The following CNTLN variants were observed in gnomAD, a reference collection of about 807,000 sequenced individuals.
CNTLN encodes centlein.
Under a neutral mutation model 180.0 loss-of-function variants are expected in CNTLN, and 212 were observed. The observed-to-expected ratio is 1.18, with a 90% CI of 1.05 to 1.32. The LOEUF (loss-of-function observed/expected upper bound fraction) is 1.32. CNTLN is among the 40% of genes most tolerant of loss of function. CNTLN has a pLI of 0.00. For synonymous variants in CNTLN, 722 were observed against 563.1 expected, an observed-to-expected ratio of 1.28 and a Z score of -3.99; for missense variants, 2,095 against 1,610.9, an observed-to-expected ratio of 1.30 and a Z score of -5.14.
At chr9:17,200,869 AT>A (rs1430188871) in intron 2 of CNTLN, among the ~76,000 whole-genome samples, 2 of 152,136 alleles carry the variant, frequency 1.3e-5, no homozygotes, top group East Asian at 3.8e-4. Context: ...CAATACTATG[AT>A]AAATTGGAGT....
intron 14 of CNTLN, among the ~76,000 whole-genome samples, chr9:17,391,669 T>A (rs1826126678): frequency 6.6e-6 from 1 of 152,208 alleles, no homozygotes; most frequent in African/African-American, 2.4e-5. Context: ...ATAACATAAT[T>A]TAATTGAAAT....
chr9:17,147,884 C>T (rs1037349338), intron 2 of CNTLN, among the ~76,000 whole-genome samples: 5 of 152,128 alleles, frequency 3.3e-5, no homozygotes, highest in African/African-American at 1.2e-4. Context: ...TTGGTTTCAA[C>T]CGGTTGTGCT....
chr9:17,292,930 A>G (rs909183156), intron 6 of CNTLN, among the ~76,000 whole-genome samples: 1 of 152,120 alleles, frequency 6.6e-6, no homozygotes, highest in African/African-American at 2.4e-5. Flanking sequence ...GAGTTTACCT[A>G]GCTTTGATCT....
chr9:17,218,617 C>A (rs1051459213), intron 2 of CNTLN, among the ~76,000 whole-genome samples: 5 of 152,060 alleles, frequency 3.3e-5, no homozygotes, highest in Admixed American at 2.6e-4. Flanking sequence ...GTTTAAATTG[C>A]AAACCATTGA....
At chr9:17,476,477 A>C (rs1346635638) in intron 23 of CNTLN, among the ~76,000 whole-genome samples, 1 of 152,222 alleles carries the variant, frequency 6.6e-6, no homozygotes, top group Non-Finnish European at 1.5e-5. Context: ...GGCTGAAACT[A>C]GGCCTTTTGC....
chr9:17,522,731 TA>T, the CNTLN span, among the ~76,000 whole-genome samples: 3 of 151,998 alleles, frequency 2.0e-5, no homozygotes, highest in East Asian at 1.9e-4. Context: ...GAGACTAAAC[TA>T]AAAAAAACCC....
At position 17,409,367 on chromosome 9, in the gene CNTLN, C is replaced by G. The variant is rs761699777; in HGVS notation, c.2690C>G (p.Thr897Arg). Residue 897 changes from threonine to arginine, a missense_variant, in exon 16 of 26, where the codon ACG (threonine) becomes AGG (arginine). Coordinates refer to ENST00000380647, the MANE Select transcript of CNTLN (RefSeq NM_017738.4). ...IVETSQKISP[T>R]EDGKDQKESD... ...GAAACATCCCAGAAAATAAGTCCTA[C>G]GGAAGATGGAAAAGACCAGAAAGAA... 20 of 1,613,120 alleles carry G rather than the reference C, an allele frequency of 1.2e-5. No individual in the cohort carries two copies. Among genetic ancestry groups the G allele is most frequent in the Non-Finnish European group, 1.7e-5 (20 of 1,179,516 alleles).
At position 17,478,093 on chromosome 9, in the gene CNTLN, G is replaced by A. The variant is rs1165898635; in HGVS notation, c.3856-6202G>A. ...GCAAAGTTTTTACAATGTGCTGAAG[G>A]CTCAGATGATCATTAGCATTTTTAA... On this transcript the variant is annotated intron_variant, in intron 23 of 25. Coordinates refer to ENST00000380647, the MANE Select transcript of CNTLN (RefSeq NM_017738.4). Among the ~76,000 whole-genome samples, 4 of 152,262 alleles carry A rather than the reference G, an allele frequency of 2.6e-5. No homozygotes were observed. The East Asian group carries it at 7.7e-4, about 29-fold the overall frequency.
chr9:17,299,349 A>G, intron 7 of CNTLN: 2 of 469,582 alleles, frequency 4.3e-6, no homozygotes, highest in South Asian at 1.8e-4. Flanking sequence ...TGTTATTCTC[A>G]TTTAATGATA....
chr9:17,226,658 A>G (rs1425867268), intron 3 of CNTLN, among the ~76,000 whole-genome samples: 1 of 151,996 alleles, frequency 6.6e-6, no homozygotes, highest in Non-Finnish European at 1.5e-5. Context: ...TATTATTTAC[A>G]CTTAAAACTT....
At chr9:17,255,729 A>AG (rs1280064831) in intron 5 of CNTLN, among the ~76,000 whole-genome samples, 1 of 151,730 alleles carries the variant, frequency 6.6e-6, no homozygotes, top group Non-Finnish European at 1.5e-5. Flanking sequence ...GAGTTTGAGG[A>AG]GGATTGGTGT....
At chr9:17,339,278 C>T (rs950775496) in intron 10 of CNTLN, among the ~76,000 whole-genome samples, 12 of 152,250 alleles carry the variant, frequency 7.9e-5, no homozygotes, top group African/African-American at 2.6e-4. Context: ...AATGCAGACT[C>T]TATAAAGTAT....
chr9:17,369,139 C>G (rs971589806), intron 13 of CNTLN, among the ~76,000 whole-genome samples: 1 of 152,110 alleles, frequency 6.6e-6, no homozygotes, highest in African/African-American at 2.4e-5. Context: ...TTCTCCCATG[C>G]TGCTCTCATG....
intron 6 of CNTLN, among the ~76,000 whole-genome samples, chr9:17,294,876 T>TGGGGGGA (rs1242360164): frequency 1.2e-4 from 1 of 8,100 alleles, no homozygotes; most frequent in Non-Finnish European, 2.3e-4. Flanking sequence ...GCGGAGGGAG[T>TGGGGGGA]GGGGGGAGGG....
chr9:17,225,035 A>G (rs1346047810), intron 2 of CNTLN, among the ~76,000 whole-genome samples: 16 of 151,882 alleles, frequency 1.1e-4, no homozygotes, highest in Non-Finnish European at 2.1e-4. Flanking sequence ...TAAATTGTCA[A>G]TCTCACCCTA....
At chr9:17,348,529 T>C (rs62561399) in intron 12 of CNTLN, among the ~76,000 whole-genome samples, 1 of 149,490 alleles carries the variant, frequency 6.7e-6, no homozygotes, top group Non-Finnish European at 1.5e-5. Flanking sequence ...TCTTTCTTTC[T>C]TTCTTTTTTT....
intron 23 of CNTLN, among the ~76,000 whole-genome samples, chr9:17,469,553 C>G (rs936025516): frequency 2.6e-5 from 4 of 151,790 alleles, no homozygotes; most frequent in African/African-American, 9.7e-5. Flanking sequence ...AGCATATCAT[C>G]AATGACTCCT....
the CNTLN span, among the ~76,000 whole-genome samples, chr9:17,515,825 C>T: frequency 1.3e-5 from 2 of 152,168 alleles, no homozygotes; most frequent in Non-Finnish European, 2.9e-5. Context: ...ATATTCACCA[C>T]CCAGCTTTCA....
chr9:17,380,307 G>T (rs1825136042), intron 13 of CNTLN, among the ~76,000 whole-genome samples: 1 of 152,178 alleles, frequency 6.6e-6, no homozygotes. Context: ...ACGAGGACAA[G>T]TATCTTCAAG....
Sources: gnomAD v4.1 joint callset for allele counts (sites outside exome capture counted in the v4.1 genomes callset) on GRCh38, gnomAD v4.1.1 for gene constraint, MANE v1.5 for transcripts, NCBI Gene and HGNC (gene_info 2026-07-23, HGNC 2026-07-21) for gene names.